The following MACROD2 variants were observed in gnomAD, a reference collection of about 807,000 sequenced individuals.
MACROD2 encodes the protein mono-ADP ribosylhydrolase 2.
A neutral mutation model predicts 70.4 loss-of-function variants in MACROD2; 36 were observed. That is an observed-to-expected ratio of 0.51 (90% confidence interval 0.39 to 0.68). The LOEUF (loss-of-function observed/expected upper bound fraction) is 0.68, where lower values mean the gene tolerates loss of function less well. Ranked by LOEUF, MACROD2 falls within the 30% of genes least tolerant of loss-of-function variation. The pLI is 0.00. For synonymous variants in MACROD2, 172 were observed against 178.8 expected (o/e 0.96, Z 0.30); for missense variants, 496 against 538.4 (o/e 0.92, Z 0.78).
intron 12 of MACROD2, among the ~76,000 whole-genome samples, chr20:15,944,050 C>T (rs73103589): frequency 0.051 from 7,816 of 152,082 alleles, 247 homozygotes; most frequent in Non-Finnish European, 0.081. Context: ...GGTTATCCCA[C>T]AATTTACATA....
intron 8 of MACROD2, among the ~76,000 whole-genome samples, chr20:15,854,469 G>A (rs1222844597): frequency 2.0e-5 from 3 of 152,168 alleles, no homozygotes; most frequent in African/African-American, 7.2e-5. Context: ...AGGATTCCAA[G>A]CCTGAGGTGA....
At chr20:15,913,796 C>A (rs1202736511) in intron 10 of MACROD2, among the ~76,000 whole-genome samples, 1 of 152,130 alleles carries the variant, frequency 6.6e-6, no homozygotes, top group East Asian at 1.9e-4. Context: ...GTCGTAAAGT[C>A]TCATATTTAT....
chr20:15,780,588 A>G (rs963453918), intron 8 of MACROD2, among the ~76,000 whole-genome samples: 1 of 152,184 alleles, frequency 6.6e-6, no homozygotes, highest in Non-Finnish European at 1.5e-5. Flanking sequence ...GAAAGTTTGA[A>G]TCAGAGAAAT....
intron 5 of MACROD2, among the ~76,000 whole-genome samples, chr20:14,847,613 C>T (rs2073157605): frequency 6.7e-6 from 1 of 149,658 alleles, no homozygotes; most frequent in African/African-American, 2.5e-5. Flanking sequence ...GAATGATTAG[C>T]ATTTCTTGGT....
intron 6 of MACROD2, among the ~76,000 whole-genome samples, chr20:15,242,918 G>A (rs2077072484): frequency 6.6e-6 from 1 of 152,164 alleles, no homozygotes. Context: ...AGGGAAGAAG[G>A]AAACAGAATT....
chr20:15,765,369 T>C (rs2051505428), intron 8 of MACROD2, among the ~76,000 whole-genome samples: 1 of 152,220 alleles, frequency 6.6e-6, no homozygotes, highest in East Asian at 1.9e-4. Context: ...CCTTGCCTTA[T>C]AAACAACAAA....
intron 8 of MACROD2, among the ~76,000 whole-genome samples, chr20:15,850,320 T>C (rs1274688460): frequency 6.6e-6 from 1 of 152,146 alleles, no homozygotes; most frequent in Admixed American, 6.5e-5. Context: ...CAGTCTTTGG[T>C]TGAGGCTGCC....
chr20:15,784,489 C>T (rs1271583173), intron 8 of MACROD2, among the ~76,000 whole-genome samples: 1 of 152,142 alleles, frequency 6.6e-6, no homozygotes, highest in African/African-American at 2.4e-5. Context: ...AAATAATTCA[C>T]TTGAAAACAT....
chr20:15,126,365 T>A (rs997229939), intron 5 of MACROD2, among the ~76,000 whole-genome samples: 2 of 151,998 alleles, frequency 1.3e-5, no homozygotes, highest in African/African-American at 4.8e-5. Context: ...AGTTTTTGCT[T>A]GTTTGATTAT....
At chr20:15,035,991 G>C (rs766338203) in intron 5 of MACROD2, among the ~76,000 whole-genome samples, 3 of 152,110 alleles carry the variant, frequency 2.0e-5, no homozygotes, top group Middle Eastern at 3.2e-3. Context: ...GAAGGGGAAT[G>C]GGGGGAGGAT....
intron 4 of MACROD2, among the ~76,000 whole-genome samples, chr20:14,516,020 T>A (rs895540703): frequency 9.5e-5 from 14 of 147,664 alleles, no homozygotes; most frequent in Non-Finnish European, 1.8e-4. Context: ...TTATATAAAA[T>A]ATAATATACT....
intron 5 of MACROD2, among the ~76,000 whole-genome samples, chr20:15,130,297 T>C (rs1034751073): frequency 2.6e-5 from 4 of 151,636 alleles, no homozygotes; most frequent in African/African-American, 9.7e-5. Context: ...AGGAAAAAAC[T>C]CCCGATCGTC....
intron 8 of MACROD2, among the ~76,000 whole-genome samples, chr20:15,766,298 G>C (rs1469939349): frequency 6.6e-6 from 1 of 152,164 alleles, no homozygotes; most frequent in Non-Finnish European, 1.5e-5. Context: ...CTTTCTAAGG[G>C]ATGAACTGAT....
At position 15,491,504 on chromosome 20, in the gene MACROD2, A is replaced by G. The variant is rs2047231512; in HGVS notation, c.572-8270A>G. 2.0e-5 allele frequency among the ~76,000 whole-genome samples: 3 copies of G among 152,234 alleles called. 1 individual carries two copies. The highest frequency in any genetic ancestry group is 2.0e-4 in the Admixed American group (3 of 15,282). The stretch of plus-strand genomic sequence containing the variant: ...TGGGAGGTGACTTTTGGAAAGAGAG[A>G]CAAAGAAAGGAAGCAAATAAAGAAT... On this transcript the variant is annotated intron_variant, in intron 7 of 17. Coordinates refer to ENST00000684519, the MANE Select transcript of MACROD2 (RefSeq NM_001351661.2).
chr20:14,672,628 A>G (rs1046261466), intron 4 of MACROD2, among the ~76,000 whole-genome samples: 2 of 152,338 alleles, frequency 1.3e-5, no homozygotes, highest in African/African-American at 4.8e-5. Context: ...AGCACTGTAC[A>G]TGTTATCTCA....
chr20:14,279,704 A>G (rs1171698374), intron 3 of MACROD2, among the ~76,000 whole-genome samples: 2 of 152,132 alleles, frequency 1.3e-5, no homozygotes, highest in Non-Finnish European at 2.9e-5. Flanking sequence ...TTTAATTGTA[A>G]CCTATCTTTT....
intron 4 of MACROD2, among the ~76,000 whole-genome samples, chr20:14,675,085 A>G (rs1481469938): frequency 1.3e-5 from 2 of 152,192 alleles, no homozygotes; most frequent in Non-Finnish European, 2.9e-5. Flanking sequence ...TGATTGGTGT[A>G]CCTGAAAGTG....
intron 4 of MACROD2, among the ~76,000 whole-genome samples, chr20:14,522,209 A>T (rs1228281061): frequency 2.0e-5 from 3 of 152,308 alleles, no homozygotes; most frequent in African/African-American, 7.2e-5. Context: ...ATTCTATTTA[A>T]AATATCAAGA....
intron 5 of MACROD2, among the ~76,000 whole-genome samples, chr20:14,949,209 G>T (rs543599854): frequency 2.0e-5 from 3 of 151,930 alleles, no homozygotes; most frequent in Admixed American, 2.0e-4. Context: ...TTTCTTTGTA[G>T]AACAAAAATG....
Sources: gnomAD v4.1 joint callset for allele counts (sites outside exome capture counted in the v4.1 genomes callset) on GRCh38, gnomAD v4.1.1 for gene constraint, MANE v1.5 for transcripts, NCBI Gene and HGNC (gene_info 2026-07-23, HGNC 2026-07-21) for gene names.